KIAA0232: variants seen among roughly 807,000 people sequenced by gnomAD.
KIAA0232 encodes the protein uncharacterized protein KIAA0232.
Under a neutral mutation model 122.0 loss-of-function variants are expected in KIAA0232, and 27 were observed. The observed-to-expected ratio is 0.22, with a 90% CI of 0.16 to 0.31. KIAA0232 has a LOEUF of 0.31. Among genes scored for constraint, KIAA0232 ranks in the 10% least tolerant of loss-of-function variants. KIAA0232 has a pLI of 1.00. For missense variants in KIAA0232, 1,551 were observed against 1,634.2 expected, an observed-to-expected ratio of 0.95 and a Z score of 0.88; for synonymous variants, 613 against 587.6, an observed-to-expected ratio of 1.04 and a Z score of -0.63.
In KIAA0232 at chr4:6,862,527, C is replaced by T. The variant is rs1306422517; in HGVS notation, c.2145C>T (p.Ser715=). The T allele has an allele frequency of 1.9e-6, 3 of 1,613,384 alleles. No homozygotes were observed. The African/African-American group carries it at 4.0e-5, about 22-fold the overall frequency. ...CAACAAGAACTTGTAGTCCATGGTC[C>T]CATTCAGAAGAAACACGTTCAGACA... The part of the protein sequence containing the change: ...NLSTRTCSPW[S]HSEETRSDNE... The change falls in exon 7 of 10, where the codon TCC becomes TCT. Residue 715 remains serine, a synonymous_variant. Transcript: ENST00000307659.
intron 1 of KIAA0232, among the ~76,000 whole-genome samples, chr4:6,785,583 T>C (rs189416439): frequency 2.0e-5 from 3 of 152,346 alleles, no homozygotes; most frequent in African/African-American, 7.2e-5. Flanking sequence ...AACCTCAGAT[T>C]ACTTGCTTTG....
chr4:6,789,044 C>T (rs569787709), intron 1 of KIAA0232, among the ~76,000 whole-genome samples: 1 of 152,038 alleles, frequency 6.6e-6, no homozygotes, highest in East Asian at 1.9e-4. Context: ...GATCTCGGCT[C>T]ACTGCCAACT....
At chr4:6,813,379 T>C (rs577641372) in intron 2 of KIAA0232, among the ~76,000 whole-genome samples, 1 of 152,230 alleles carries the variant, frequency 6.6e-6, no homozygotes, top group South Asian at 2.1e-4. Context: ...TTTGTTTTTT[T>C]TGAGACGGAG....
intron 5 of KIAA0232, among the ~76,000 whole-genome samples, chr4:6,857,632 A>G (rs1720631287): frequency 6.6e-6 from 1 of 152,208 alleles, no homozygotes; most frequent in South Asian, 2.1e-4. Flanking sequence ...AGACTGCTAA[A>G]TTACGACATT....
At chr4:6,839,746 T>G (rs1231551053) in intron 3 of KIAA0232, among the ~76,000 whole-genome samples, 1 of 152,106 alleles carries the variant, frequency 6.6e-6, no homozygotes. Flanking sequence ...GCATTTCTAG[T>G]TATGTCCTAG....
chr4:6,858,464 C>T lies in KIAA0232; in HGVS notation c.476C>T (p.Pro159Leu), dbSNP rs926857823. Residue 159 changes from proline to leucine, a missense_variant, in exon 6 of 10, where the codon CCA (proline) becomes CTA (leucine). Around this residue, in one of 5 missense-constraint regions of KIAA0232, gnomAD observed 377 missense variants for 381.7 expected, o/e 0.99. Transcript: ENST00000307659. ...IHKKLEGSPS[P>L]EAELSPPAKD... The stretch of plus-strand genomic sequence containing the variant: ...AAAAAGTTAGAGGGGTCTCCCTCTC[C>T]AGAGGCAGAATTATCCCCTCCAGCA... 9 of 1,608,360 alleles carry T rather than the reference C, an allele frequency of 5.6e-6. No homozygotes were observed. The African/African-American group carries it at 1.2e-4, about 22-fold the overall frequency.
intron 3 of KIAA0232, among the ~76,000 whole-genome samples, chr4:6,835,792 A>C (rs575100635): frequency 2.0e-5 from 3 of 152,360 alleles, no homozygotes; most frequent in Admixed American, 1.3e-4. Flanking sequence ...TGCAAAGGAC[A>C]TGAACTCATC....
At chr4:6,859,297 C>A (rs1009643257) in intron 6 of KIAA0232, among the ~76,000 whole-genome samples, 1 of 151,764 alleles carries the variant, frequency 6.6e-6, no homozygotes, top group African/African-American at 2.4e-5. Context: ...AACAGACTTC[C>A]CTATTATACA....
intron 2 of KIAA0232, among the ~76,000 whole-genome samples, chr4:6,814,710 C>G (rs1718041169): frequency 6.6e-6 from 1 of 151,996 alleles, no homozygotes; most frequent in South Asian, 2.1e-4. Context: ...GGCACAAAAG[C>G]CAGCTATTAA....
At chr4:6,826,310 AGTATTTTGTATAATTTCCTTACC>A in intron 3 of KIAA0232, among the ~76,000 whole-genome samples, 1 of 152,296 alleles carries the variant, frequency 6.6e-6, no homozygotes, top group Admixed American at 6.5e-5. Flanking sequence ...TTTGGTGGTC[AGTATTTTGTATAATTTCCTTACC>A]AGAGCTCTGT....
chr4:6,876,121 T>C (rs762256675), intron 8 of KIAA0232, among the ~76,000 whole-genome samples: 34 of 152,356 alleles, frequency 2.2e-4, no homozygotes, highest in Admixed American at 3.9e-4. Context: ...TAGCACCATT[T>C]CTTTTTCCTA....
At chr4:6,834,372 C>T (rs1340422996) in intron 3 of KIAA0232, among the ~76,000 whole-genome samples, 1 of 152,178 alleles carries the variant, frequency 6.6e-6, no homozygotes, top group Admixed American at 6.5e-5. Context: ...ATACTAGACA[C>T]AAAGTAAGTG....
At chr4:6,858,402 T>C (rs537772416) in intron 5 of KIAA0232, 23 bp from the exon 6 acceptor site, 4 of 1,436,514 alleles carry the variant, frequency 2.8e-6, no homozygotes, top group Non-Finnish European at 3.9e-6. Flanking sequence ...GACAAATCTT[T>C]CTTAATTTTT....
At chr4:6,876,530 C>CGGA (rs1216074244) in intron 8 of KIAA0232, 130 bp from the exon 9 acceptor site, 18 of 640,830 alleles carry the variant, frequency 2.8e-5, no homozygotes, top group Admixed American at 7.8e-5. Flanking sequence ...TTAAAACCTC[C>CGGA]GAAGGGTTGG....
intron 3 of KIAA0232, among the ~76,000 whole-genome samples, chr4:6,841,238 G>A (rs568794329): frequency 6.6e-6 from 1 of 152,276 alleles, no homozygotes; most frequent in African/African-American, 2.4e-5. Context: ...ATTTATCATG[G>A]GTAAGTTGTC....
Position 6,793,168 on chromosome 4 carries a change from CTAATTACCATTAGTTAATTAAG to C in KIAA0232, c.-354+10343_-354+10364del, listed in dbSNP as rs535157723. On this transcript the variant is annotated intron_variant, in intron 1 of 9. Coordinates refer to ENST00000307659, the MANE Select transcript of KIAA0232 (RefSeq NM_014743.3). Reference sequence around the variant, plus strand: ...ACATTACCTAATGTTAACTAATTAACTAATTACCATTAGTTAATTAAGTAATTACCATTAGTTTATCCACTTG... The same window carrying C: ...ACATTACCTAATGTTAACTAATTAACTAATTACCATTAGTTTATCCACTTG... 7.1e-4 allele frequency among the ~76,000 whole-genome samples: 108 copies of C among 152,264 alleles called. 4 individuals carry two copies. The South Asian group carries it at 0.011, about 15-fold the overall frequency.
At chr4:6,811,778 A>G (rs6446544) in intron 2 of KIAA0232, among the ~76,000 whole-genome samples, 116,695 of 138,548 alleles carry the variant, frequency 0.84, 49,602 homozygotes, top group Non-Finnish European at 0.91. Flanking sequence ...TTTTTAAGAT[A>G]TAAACCTTTG....
At chr4:6,798,010 A>T (rs1717211923) in intron 1 of KIAA0232, among the ~76,000 whole-genome samples, 1 of 150,666 alleles carries the variant, frequency 6.6e-6, no homozygotes. Flanking sequence ...GTGAGCTGAG[A>T]TTACGCCACT....
At chr4:6,832,612 G>A (rs1053057965) in intron 3 of KIAA0232, among the ~76,000 whole-genome samples, 27 of 152,168 alleles carry the variant, frequency 1.8e-4, no homozygotes, top group African/African-American at 6.3e-4. Flanking sequence ...GCCTCCCAAA[G>A]TGCTGGGATT....
Sources: gnomAD v4.1 joint callset for allele counts (sites outside exome capture counted in the v4.1 genomes callset) on GRCh38, gnomAD v4.1.1 for gene constraint, gnomAD v4.1.1 regional missense constraint, MANE v1.5 for transcripts, NCBI Gene and HGNC (gene_info 2026-07-23, HGNC 2026-07-21) for gene names.